ODF4: variants seen among roughly 807,000 people sequenced by gnomAD.
ODF4 encodes outer dense fiber of sperm tails 4, also known as outer dense fiber protein 4.
Under a neutral mutation model 17.0 loss-of-function variants are expected in ODF4, and 11 were observed. The ratio of observed to expected loss-of-function variants is 0.65; its 90% CI spans 0.41 to 1.07. ODF4 has a LOEUF of 1.07. ODF4 is among the 50% of genes least tolerant of loss of function. The pLI is 0.00. For missense variants in ODF4, 281 were observed against 310.2 expected, an observed-to-expected ratio of 0.91 and a Z score of 0.71; for synonymous variants, 127 against 121.8, an observed-to-expected ratio of 1.04 and a Z score of -0.28.
In ODF4 at chr17:8,344,525, C is replaced by T. The variant is rs113426896; in HGVS notation, c.455-818C>T. Among the ~76,000 whole-genome samples the T allele has an allele frequency of 5.2e-3, 650 of 126,124 alleles. 181 individuals are homozygous for T. Among genetic ancestry groups the T allele is most frequent in the African/African-American group, 0.021 (625 of 30,316 alleles). The allele number at this position is 126,124 out of a possible 152,430, so 82.7% of individuals were successfully genotyped here. A position where few individuals can be genotyped will look rare whatever the true frequency, so the allele number is the denominator to read the frequency against. On this transcript the variant is annotated intron_variant, in intron 1 of 2. Transcript: ENST00000328248. ...TTTGTTTTTTGTTTTTTGCAGGCGG[C>T]GTCTCGCTCTGTTGCCCAGGCTGGA...
chr17:8,342,111 A>G (rs559871421), intron 1 of ODF4, among the ~76,000 whole-genome samples: 3 of 152,312 alleles, frequency 2.0e-5, no homozygotes, highest in African/African-American at 7.2e-5. Flanking sequence ...CTTTTCACCT[A>G]CAAAAGGAGA....
At chr17:8,341,690 T>C (rs1906024355) in intron 1 of ODF4, among the ~76,000 whole-genome samples, 1 of 152,076 alleles carries the variant, frequency 6.6e-6, no homozygotes, top group Non-Finnish European at 1.5e-5. Flanking sequence ...GTTATGCTGT[T>C]CCCTCACCCC....
Position 8,345,626 on chromosome 17 carries a change from C to G in ODF4, c.590-42C>G. The G allele has an allele frequency of 1.9e-6, 3 of 1,578,836 alleles. No individual in the cohort carries two copies. Among genetic ancestry groups the G allele is most frequent in the Non-Finnish European group, 1.7e-6 (2 of 1,150,392 alleles). On this transcript the variant is annotated intron_variant, in intron 2 of 2. Transcript: ENST00000328248. The surrounding 1 kb of genome is among the most constrained non-coding windows in gnomAD (Gnocchi z 4.1). ...CTCACCCTACTTGTCACTTAACCTC[C>G]CAGTCACAACTTTCCTCTCCCCTGT... is the stretch of plus-strand genomic sequence containing the variant.
Position 8,345,496 on chromosome 17 carries a change from C to G in ODF4, c.589+19C>G. 3 of 1,612,876 alleles carry G rather than the reference C, an allele frequency of 1.9e-6. No homozygotes were observed. Among genetic ancestry groups the G allele is most frequent in the Non-Finnish European group, 2.5e-6 (3 of 1,179,350 alleles). ...ACCTGCGGTGAGTGGCCAGAGGGCC[C>G]TGGGGGAAGGAAGCGACATGGGTAG... is the stretch of plus-strand genomic sequence containing the variant. On this transcript the variant is annotated intron_variant, in intron 2 of 2. Coordinates refer to ENST00000328248, the MANE Select transcript of ODF4 (RefSeq NM_153007.5). This position sits in a 1 kb window ranked among gnomAD's most constrained non-coding sequence, Gnocchi z 4.1.
intron 1 of ODF4, among the ~76,000 whole-genome samples, chr17:8,340,916 C>T (rs1341386709): frequency 6.6e-6 from 1 of 150,410 alleles, no homozygotes; most frequent in Non-Finnish European, 1.5e-5. Context: ...AGGCTGGGCA[C>T]TGCGTCTCAC....
chr17:8,341,142 A>C (rs1263955233), intron 1 of ODF4, among the ~76,000 whole-genome samples: 1 of 151,628 alleles, frequency 6.6e-6, no homozygotes, highest in African/African-American at 2.4e-5. Context: ...GTGAGCCGAG[A>C]CCGCACCATT....
At position 8,340,367 on chromosome 17, in the gene ODF4, G is replaced by C. The variant is rs749243909; in HGVS notation, c.316G>C (p.Asp106His). 7 of 1,613,212 alleles carry C rather than the reference G, an allele frequency of 4.3e-6. No homozygotes were observed. In the South Asian group the frequency reaches 7.7e-5, roughly 18 times the overall value. ...CGTGGCCTTCTCCAAGAAATGGCTG[G>C]ACCTCTCTAGGAGCCTCTTCTACCA... ...LVVAFSKKWL[D>H]LSRSLFYQRW... The change falls in exon 1 of 3, where the codon GAC becomes CAC. Residue 106 changes from aspartate (D) to histidine (H), a missense_variant. By Grantham distance (81) the Asp-to-His change is moderately conservative. Coordinates refer to ENST00000328248, the MANE Select transcript of ODF4 (RefSeq NM_153007.5).
At position 8,345,601 on chromosome 17, in the gene ODF4, C is replaced by T. The variant is rs998459570; in HGVS notation, c.590-67C>T. The stretch of plus-strand genomic sequence containing the variant: ...TTTAGGGTCTTATCTTCCCTTTGGT[C>T]TCACCCTACTTGTCACTTAACCTCC... On this transcript the variant is annotated intron_variant, in intron 2 of 2. Transcript: ENST00000328248. The surrounding 1 kb of genome is among the most constrained non-coding windows in gnomAD (Gnocchi z 4.1). The T allele has an allele frequency of 3.3e-6, 5 of 1,535,664 alleles. No homozygotes were observed. Among genetic ancestry groups the T allele is most frequent in the African/African-American group, 2.7e-5 (2 of 73,314 alleles).
rs181337962 is a variant in ODF4, at chr17:8,341,100, G to T, written c.454+595G>T. Among the ~76,000 whole-genome samples the T allele has an allele frequency of 3.9e-3, 589 of 151,890 alleles. 6 individuals are homozygous for T. Among genetic ancestry groups the T allele is most frequent in the African/African-American group, 0.014 (567 of 41,424 alleles). ...AGCTACTCTGGAGACTGAGGCAGGA[G>T]AATTGCTTGAACCCGGGAGGTGGAG... On this transcript the variant is annotated intron_variant, in intron 1 of 2. Transcript: ENST00000328248.
In ODF4 at chr17:8,344,426, G is replaced by A. The variant is rs1249813596; in HGVS notation, c.455-917G>A. 5.5e-5 allele frequency among the ~76,000 whole-genome samples: 7 copies of A among 128,128 alleles called. 3 individuals are homozygous for A. The highest frequency in any genetic ancestry group is 8.4e-5 in the Non-Finnish European group (5 of 59,740). 84.1% of individuals were successfully genotyped at this position (128,128 alleles called of 152,430 possible). A position where few individuals can be genotyped will look rare whatever the true frequency, so the allele number is the denominator to read the frequency against. ...ATCTCGGATTGTTTAAGAAGTGAAA[G>A]CAATATTTCATTTTTATTTCAAATG... On this transcript the variant is annotated intron_variant, in intron 1 of 2. Coordinates refer to ENST00000328248, the MANE Select transcript of ODF4 (RefSeq NM_153007.5).
At chr17:8,344,895 C>T in intron 1 of ODF4, 1 of 991,956 alleles carries the variant, frequency 1.0e-6, no homozygotes, top group Non-Finnish European at 1.2e-6. Context: ...TGTGGACAAT[C>T]AGCCCATGTT....
chr17:8,341,888 TG>T (rs1855773818), intron 1 of ODF4, among the ~76,000 whole-genome samples: 2 of 152,292 alleles, frequency 1.3e-5, no homozygotes, highest in Admixed American at 1.3e-4. Flanking sequence ...GAAAATATTA[TG>T]TCCTTATTAT....
Position 8,343,610 on chromosome 17 carries a change from G to A in ODF4, c.455-1733G>A, listed in dbSNP as rs149450747. ...GCTGCCCACCAGGAGCGTATGAGAG[G>A]ACCTCTTTTCTCTACATACTCTCCT... On this transcript the variant is annotated intron_variant, in intron 1 of 2. Coordinates refer to ENST00000328248, the MANE Select transcript of ODF4 (RefSeq NM_153007.5). Among the ~76,000 whole-genome samples the A allele has an allele frequency of 6.1e-4, 78 of 126,918 alleles. 21 individuals carry two copies. Among genetic ancestry groups the A allele is most frequent in the African/African-American group, 2.2e-3 (66 of 30,574 alleles). 83.3% of individuals were successfully genotyped at this position (126,918 alleles called of 152,430 possible).
At position 8,340,230 on chromosome 17, in the gene ODF4, A is replaced by G. The variant is rs779248682; in HGVS notation, c.179A>G (p.Gln60Arg). 1.1e-4 allele frequency: 174 copies of G among 1,614,104 alleles called. 3 individuals are homozygous for G. The South Asian group carries it at 1.4e-3, about 13-fold the overall frequency. ...CTCAGTAGTAACAGGTCCTTGGGCC[A>G]GCGCCAGAACTCTCCGCTGCCCTTT... ...LSLSSNRSLG[Q>R]RQNSPLPFQW... is the part of the protein sequence containing the mutation. Residue 60 changes from glutamine to arginine, a missense_variant, in exon 1 of 3, where the codon CAG (glutamine) becomes CGG (arginine). Coordinates refer to ENST00000328248, the MANE Select transcript of ODF4 (RefSeq NM_153007.5).
rs113875431 is a variant in ODF4 at position 8,345,012 on chromosome 17, G to T, written c.455-331G>T. 3.4e-3 allele frequency: 3,224 copies of T among 946,294 alleles called. 83 individuals carry two copies. The African/African-American group carries it at 0.093, about 27-fold the overall frequency. 58.6% of individuals were successfully genotyped at this position (946,294 alleles called of 1,614,324 possible). A position where few individuals can be genotyped will look rare whatever the true frequency, so the allele number is the denominator to read the frequency against. On this transcript the variant is annotated intron_variant, in intron 1 of 2. Transcript: ENST00000328248. The surrounding 1 kb of genome is among the most constrained non-coding windows in gnomAD (Gnocchi z 4.1). ...CGCTGTTCAAAAATTGCCCTTTGTGGGCTTCGGGACCATCTTGAGCTTCTG... is the reference window on the plus strand; with the variant it reads ...CGCTGTTCAAAAATTGCCCTTTGTGTGCTTCGGGACCATCTTGAGCTTCTG...
intron 1 of ODF4, among the ~76,000 whole-genome samples, chr17:8,342,049 A>T (rs577647924): frequency 6.6e-5 from 10 of 152,258 alleles, no homozygotes; most frequent in African/African-American, 2.4e-4. Context: ...TACCTTGCTC[A>T]GGGTCATAAA....
In ODF4 at chr17:8,340,297, G is replaced by A. The variant is rs757238310; in HGVS notation, c.246G>A (p.Val82=). The part of the protein sequence containing the change: ...ITHSFRWMAQ[V]LASELSLVAF... Reference sequence around the variant, plus strand: ...ACAGCTTCCGCTGGATGGCCCAGGTGTTGGCCTCTGAGCTCAGCCTGGTTG... The same window carrying A: ...ACAGCTTCCGCTGGATGGCCCAGGTATTGGCCTCTGAGCTCAGCCTGGTTG... Residue 82 remains valine, a synonymous_variant, in exon 1 of 3, where the codon GTG becomes GTA. Transcript: ENST00000328248. The A allele has an allele frequency of 3.1e-6, 5 of 1,613,856 alleles. No homozygotes were observed. In the Admixed American group the frequency reaches 5.0e-5, roughly 16 times the overall value.
Position 8,345,309 on chromosome 17 carries a change from A to G in ODF4, c.455-34A>G. On this transcript the variant is annotated intron_variant, in intron 1 of 2. Coordinates refer to ENST00000328248, the MANE Select transcript of ODF4 (RefSeq NM_153007.5). This position sits in a 1 kb window ranked among gnomAD's most constrained non-coding sequence, Gnocchi z 4.1. ...GAAGAACCTCCTGTGGGACTCTTGT[A>G]TGACAATGAGACCCTCTGCCTCCTG... 1.3e-6 allele frequency: 2 copies of G among 1,598,170 alleles called. No homozygotes were observed. The highest frequency in any genetic ancestry group is 1.7e-5 in the Admixed American group (1 of 59,254).
intron 1 of ODF4, among the ~76,000 whole-genome samples, chr17:8,343,207 G>C (rs61554753): frequency 0.35 from 52,971 of 150,006 alleles, 9,593 homozygotes; most frequent in African/African-American, 0.45. Context: ...TCTCGGCTCA[G>C]TGCAACCCCT....
Sources: gnomAD v4.1 joint callset for allele counts (sites outside exome capture counted in the v4.1 genomes callset) on GRCh38, gnomAD v4.1.1 for gene constraint, Gnocchi (gnomAD v3.1) non-coding constraint, MANE v1.5 for transcripts, NCBI Gene and HGNC (gene_info 2026-07-23, HGNC 2026-07-21) for gene names.